The following VPS13B variants were observed in gnomAD, a reference collection of about 807,000 sequenced individuals.
VPS13B encodes the protein vacuolar protein sorting 13 homolog B, also known as intermembrane lipid transfer protein VPS13B.
A neutral mutation model predicts 426.4 loss-of-function variants in VPS13B; 285 were observed. That is an observed-to-expected ratio of 0.67 (90% CI 0.61 to 0.74). The LOEUF is 0.74. Ranked by LOEUF, VPS13B falls within the 30% of genes least tolerant of loss-of-function variation. The pLI, the probability that VPS13B is intolerant of heterozygous loss-of-function variation, is 0.00. For missense variants in VPS13B, 4,537 were observed against 4,782.6 expected (o/e 0.95, Z 1.51); for synonymous variants, 1,676 against 1,676.4 (o/e 1.00, Z 0.01).
intron 21 of VPS13B, among the ~76,000 whole-genome samples, chr8:99,423,204 T>A (rs2133384809): frequency 6.6e-6 from 1 of 152,300 alleles, no homozygotes; most frequent in Admixed American, 6.5e-5. Flanking sequence ...TCACAACTTT[T>A]ACTATTTCCA....
intron 5 of VPS13B, among the ~76,000 whole-genome samples, chr8:99,110,814 T>A (rs935847410): frequency 5.3e-5 from 8 of 151,864 alleles, no homozygotes; most frequent in Admixed American, 4.6e-4. Context: ...TTAAAAAAAA[T>A]TTGTAGTTAA....
intron 40 of VPS13B, among the ~76,000 whole-genome samples, chr8:99,770,968 G>A (rs1376587529): frequency 1.3e-5 from 2 of 152,174 alleles, no homozygotes; most frequent in Non-Finnish European, 2.9e-5. Context: ...CTACTCTCTT[G>A]GGCCAGCCTG....
intron 17 of VPS13B, chr8:99,209,651 C>T (rs895576809): frequency 4.4e-6 from 3 of 677,622 alleles, no homozygotes; most frequent in Non-Finnish European, 5.7e-6. Context: ...AAATGATCCT[C>T]CCACCTCAAC....
At chr8:99,174,843 A>C (rs1376635356) in intron 16 of VPS13B, among the ~76,000 whole-genome samples, 1 of 152,156 alleles carries the variant, frequency 6.6e-6, no homozygotes, top group Non-Finnish European at 1.5e-5. Context: ...CTCCATGTAG[A>C]TTGTCTTTTA....
intron 25 of VPS13B, among the ~76,000 whole-genome samples, chr8:99,489,156 C>T (rs988419719): frequency 3.9e-5 from 6 of 152,098 alleles, no homozygotes; most frequent in African/African-American, 1.4e-4. Context: ...TTCCCTGTTA[C>T]TTGTTTTTGT....
intron 17 of VPS13B, among the ~76,000 whole-genome samples, chr8:99,258,399 T>A (rs1172398910): frequency 6.6e-6 from 1 of 152,036 alleles, no homozygotes; most frequent in East Asian, 1.9e-4. Context: ...AAAAAATCAC[T>A]CTAATATTGC....
At chr8:99,856,288 ACT>A (rs1251641597) in intron 56 of VPS13B, among the ~76,000 whole-genome samples, 2 of 152,170 alleles carry the variant, frequency 1.3e-5, no homozygotes, top group African/African-American at 2.4e-5. Context: ...CCTGTTGGAA[ACT>A]CTGTCACTAA....
At chr8:99,591,499 C>G (rs987040196) in intron 33 of VPS13B, among the ~76,000 whole-genome samples, 2 of 152,100 alleles carry the variant, frequency 1.3e-5, no homozygotes, top group Admixed American at 1.3e-4. Context: ...CCAGTTGTTC[C>G]TTTCCATGTT....
intron 22 of VPS13B, among the ~76,000 whole-genome samples, chr8:99,437,819 T>A (rs1376748669): frequency 6.6e-6 from 1 of 152,158 alleles, no homozygotes; most frequent in Non-Finnish European, 1.5e-5. Context: ...CTATACCTGC[T>A]CATTAACAAA....
intron 21 of VPS13B, among the ~76,000 whole-genome samples, chr8:99,399,117 G>C (rs970025251): frequency 1.3e-5 from 2 of 151,928 alleles, no homozygotes; most frequent in East Asian, 3.8e-4. Flanking sequence ...AACAGAAAAA[G>C]GTTGAAAATA....
intron 21 of VPS13B, among the ~76,000 whole-genome samples, chr8:99,420,480 A>C (rs1816308345): frequency 6.6e-6 from 1 of 152,214 alleles, no homozygotes; most frequent in South Asian, 2.1e-4. Context: ...ATATAGATGC[A>C]AAACAGTAAT....
intron 35 of VPS13B, chr8:99,696,613 A>G: frequency 1.5e-6 from 1 of 652,012 alleles, no homozygotes; most frequent in Non-Finnish European, 2.9e-6. Flanking sequence ...GAGAGCCTGA[A>G]GGAGCTTCGG....
At chr8:99,698,033 C>A in intron 35 of VPS13B, 1 of 357,812 alleles carries the variant, frequency 2.8e-6, no homozygotes, top group Middle Eastern at 1.0e-3. Context: ...CTGGCCTAGC[C>A]ACCTGTCCTC....
At chr8:99,402,877 T>G (rs977234203) in intron 21 of VPS13B, among the ~76,000 whole-genome samples, 1 of 152,238 alleles carries the variant, frequency 6.6e-6, no homozygotes, top group African/African-American at 2.4e-5. Flanking sequence ...TGCAATGATG[T>G]TGCTAGGGCA....
intron 19 of VPS13B, among the ~76,000 whole-genome samples, chr8:99,380,029 A>G (rs975231092): frequency 6.6e-6 from 1 of 152,142 alleles, no homozygotes; most frequent in Non-Finnish European, 1.5e-5. Flanking sequence ...AATTTTTCAT[A>G]TTGGGGGAAA....
chr8:99,505,068 A>G (rs564907394), intron 27 of VPS13B, among the ~76,000 whole-genome samples: 6 of 152,240 alleles, frequency 3.9e-5, no homozygotes, highest in African/African-American at 1.4e-4. Flanking sequence ...GCTAGCTTCA[A>G]ACTTAACTTC....
At chr8:99,784,904 T>G (rs1039130889) in intron 43 of VPS13B, among the ~76,000 whole-genome samples, 1 of 152,204 alleles carries the variant, frequency 6.6e-6, no homozygotes, top group African/African-American at 2.4e-5. Flanking sequence ...ATTATTCATT[T>G]GTTTCTTCAG....
Position 99,875,709 on chromosome 8 carries a change from T to G in VPS13B, c.*43T>G, listed in dbSNP as rs752793726. 1.2e-6 allele frequency: 2 copies of G among 1,613,116 alleles called. No individual in the cohort carries two copies. The highest frequency in any genetic ancestry group is 3.3e-5 in the Admixed American group (2 of 59,974). ...TATTCCTGCTTGTGTGATTTAGTTT[T>G]TGGGTTTCTTTGAGACAGGGTCTCA... is the stretch of plus-strand genomic sequence containing the variant. On this transcript the variant is annotated 3_prime_UTR_variant, in exon 62 of 62. Coordinates refer to ENST00000357162, the MANE Select transcript of VPS13B (RefSeq NM_152564.5).
At chr8:99,548,736 A>C (rs1588485062) in intron 30 of VPS13B, among the ~76,000 whole-genome samples, 2 of 152,028 alleles carry the variant, frequency 1.3e-5, no homozygotes, top group South Asian at 2.1e-4. Flanking sequence ...GTTGAGGGAA[A>C]AAATCCTCCT....
Sources: gnomAD v4.1 joint callset for allele counts (sites outside exome capture counted in the v4.1 genomes callset) on GRCh38, gnomAD v4.1.1 for gene constraint, MANE v1.5 for transcripts, NCBI Gene and HGNC (gene_info 2026-07-23, HGNC 2026-07-21) for gene names.